The following IGSF5 variants were observed in gnomAD, a reference collection of about 807,000 sequenced individuals.
The protein encoded by IGSF5 is immunoglobulin superfamily member 5, also known as immunoglobulin superfamily 5 like.
IGSF5 carries 41 observed loss-of-function variants against 39.4 expected under a neutral mutation model. The observed-to-expected ratio is 1.04, with a 90% confidence interval of 0.81 to 1.35. The LOEUF (loss-of-function observed/expected upper bound fraction) is 1.35. Ranked by LOEUF, IGSF5 falls within the 40% of genes most tolerant of loss-of-function variation. IGSF5 has a pLI of 0.00. For synonymous variants in IGSF5, 183 were observed against 175.3 expected, an observed-to-expected ratio of 1.04 and a Z score of -0.34; for missense variants, 487 against 494.6, an observed-to-expected ratio of 0.98 and a Z score of 0.15.
chr21:39,789,791 T>A (rs906418487), intron 6 of IGSF5, among the ~76,000 whole-genome samples: 16 of 152,218 alleles, frequency 1.1e-4, no homozygotes, highest in African/African-American at 3.6e-4. Context: ...TATATACCCA[T>A]AGATATGCAC....
the IGSF5 span, among the ~76,000 whole-genome samples, chr21:39,735,132 G>C: frequency 6.6e-6 from 1 of 152,102 alleles, no homozygotes; most frequent in African/African-American, 2.4e-5. Flanking sequence ...CTCCCAAAGT[G>C]CTGAGATTAC....
At chr21:39,734,303 G>A in the IGSF5 span, among the ~76,000 whole-genome samples, 1 of 151,548 alleles carries the variant, frequency 6.6e-6, no homozygotes, top group Non-Finnish European at 1.5e-5. Context: ...CGTACCTGTA[G>A]TCCCAGCTGC....
chr21:39,776,202 G>GTATA (rs2080139501), intron 4 of IGSF5, among the ~76,000 whole-genome samples: 1 of 67,616 alleles, frequency 1.5e-5, no homozygotes, highest in East Asian at 3.7e-4. Context: ...ATACCTATGT[G>GTATA]TATAGATATA....
the IGSF5 span, among the ~76,000 whole-genome samples, chr21:39,732,953 G>A: frequency 6.6e-6 from 1 of 152,042 alleles, no homozygotes; most frequent in African/African-American, 2.4e-5. Context: ...TTGAGCCTGG[G>A]AGGTCAAGGC....
chr21:39,777,943 T>C (rs1414416656), intron 4 of IGSF5, among the ~76,000 whole-genome samples: 2 of 152,342 alleles, frequency 1.3e-5, no homozygotes, highest in African/African-American at 2.4e-5. Flanking sequence ...GCAAACCCCA[T>C]GTTCCTTCAT....
At chr21:39,763,018 G>A (rs1319217104) in intron 2 of IGSF5, among the ~76,000 whole-genome samples, 15 of 152,112 alleles carry the variant, frequency 9.9e-5, no homozygotes, top group Non-Finnish European at 2.9e-5. Context: ...AGTGAGGCAG[G>A]TGACTGTGGG....
chr21:39,744,082 G>A (rs1043617511), upstream of IGSF5, among the ~76,000 whole-genome samples: 11 of 151,904 alleles, frequency 7.2e-5, no homozygotes, highest in African/African-American at 1.5e-4. Flanking sequence ...TCCAGGGTGC[G>A]TAACCACCCA....
intron 3 of IGSF5, among the ~76,000 whole-genome samples, chr21:39,770,047 T>C (rs1471899538): frequency 2.8e-5 from 1 of 35,292 alleles, no homozygotes; most frequent in African/African-American, 1.2e-4. Flanking sequence ...AGAACCAAGA[T>C]TGGGAACAAA....
intron 5 of IGSF5, among the ~76,000 whole-genome samples, chr21:39,786,958 T>A (rs13047032): frequency 6.7e-6 from 1 of 148,304 alleles, no homozygotes; most frequent in Non-Finnish European, 1.5e-5. Context: ...GGGACTGTTG[T>A]GGGGTAGGGG....
chr21:39,749,415 G>C (rs2974991), intron 2 of IGSF5, among the ~76,000 whole-genome samples: 11 of 151,734 alleles, frequency 7.2e-5, no homozygotes, highest in African/African-American at 2.4e-4. Flanking sequence ...ATTTCGCCAT[G>C]TTGGCCAGGC....
At chr21:39,748,337 G>GTC (rs145651882) in intron 2 of IGSF5, among the ~76,000 whole-genome samples, 9,493 of 67,204 alleles carry the variant, frequency 0.14, 557 homozygotes, top group East Asian at 0.35. Flanking sequence ...TTGAGACAGC[G>GTC]TCTCTCTCTG....
At chr21:39,719,909 A>G in the IGSF5 span, among the ~76,000 whole-genome samples, 3 of 152,246 alleles carry the variant, frequency 2.0e-5, no homozygotes, top group Non-Finnish European at 4.4e-5. Flanking sequence ...GTCACGAAGC[A>G]ATCCTTGGCA....
chr21:39,746,137 C>T, intron 1 of IGSF5, 79 bp from the exon 2 acceptor site: 1 of 698,924 alleles, frequency 1.4e-6, no homozygotes, highest in Admixed American at 2.0e-5. Context: ...TTAGGATGAA[C>T]CCAGGCACTT....
At chr21:39,759,509 C>G (rs2080050278) in intron 2 of IGSF5, among the ~76,000 whole-genome samples, 1 of 152,036 alleles carries the variant, frequency 6.6e-6, no homozygotes, top group Non-Finnish European at 1.5e-5. Context: ...AAAAACTCTT[C>G]TAAAGGTTTG....
At chr21:39,745,603 G>C in intron 1 of IGSF5, 77 bp downstream of exon 1, 1 of 702,948 alleles carries the variant, frequency 1.4e-6, no homozygotes, top group South Asian at 1.5e-5. Flanking sequence ...ACTGCTGGGA[G>C]GTTGGGACGA....
intron 2 of IGSF5, among the ~76,000 whole-genome samples, chr21:39,753,610 C>G (rs2080015993): frequency 6.6e-6 from 1 of 152,236 alleles, no homozygotes; most frequent in South Asian, 2.1e-4. Context: ...TGCTGTCTGT[C>G]TAATATTGTA....
intron 8 of IGSF5, among the ~76,000 whole-genome samples, chr21:39,799,231 T>C (rs1311437224): frequency 1.3e-5 from 2 of 152,116 alleles, no homozygotes; most frequent in Non-Finnish European, 2.9e-5. Context: ...CTGGCAGAAA[T>C]GGTGGATGTA....
the IGSF5 span, among the ~76,000 whole-genome samples, chr21:39,728,287 T>C: frequency 1.3e-5 from 2 of 152,164 alleles, no homozygotes; most frequent in Non-Finnish European, 2.9e-5. Flanking sequence ...GGGCCCTTAA[T>C]CCAGTATGAC....
At chr21:39,780,127 T>G (rs992085447) in intron 5 of IGSF5, among the ~76,000 whole-genome samples, 4 of 152,262 alleles carry the variant, frequency 2.6e-5, no homozygotes, top group Non-Finnish European at 5.9e-5. Context: ...TTTCACAATA[T>G]GTACATAGCT....
Sources: allele counts gnomAD v4.1 joint callset (sites outside exome capture counted in the v4.1 genomes callset), GRCh38; gene constraint gnomAD v4.1.1; transcripts MANE v1.5; gene names NCBI Gene and HGNC (gene_info 2026-07-23, HGNC 2026-07-21).